Variants in IL1RAPL1 observed in about 807,000 individuals in gnomAD.
IL1RAPL1 encodes the protein interleukin 1 receptor accessory protein like 1.
IL1RAPL1 carries 3 observed loss-of-function variants against 48.4 expected under a neutral mutation model. That is an observed-to-expected ratio of 0.06 (90% confidence interval 0.03 to 0.16). The LOEUF (loss-of-function observed/expected upper bound fraction) is 0.16, where lower values mean the gene tolerates loss of function less well. IL1RAPL1 is among the 10% of genes least tolerant of loss of function. The pLI, the probability that IL1RAPL1 is intolerant of heterozygous loss-of-function variation, is 1.00. For synonymous variants in IL1RAPL1, 185 were observed against 187.7 expected (o/e 0.99, Z 0.12); for missense variants, 349 against 530.6 (o/e 0.66, Z 3.36).
chrX:29,663,591 A>G (rs1925911168), intron 5 of IL1RAPL1, among the ~76,000 whole-genome samples: 1 of 112,154 alleles, frequency 8.9e-6, no homozygotes. Context: ...ACTAAATGCT[A>G]TGTTTTGTTT....
At chrX:29,592,023 A>C (rs989570088) in intron 5 of IL1RAPL1, among the ~76,000 whole-genome samples, 1 of 111,629 alleles carries the variant, frequency 9.0e-6, no homozygotes, top group African/African-American at 3.3e-5. Flanking sequence ...GAACGGGTGA[A>C]AACCTAAAAT....
chrX:28,994,796 A>C (rs1334828460), intron 2 of IL1RAPL1, among the ~76,000 whole-genome samples: 1 of 112,036 alleles, frequency 8.9e-6, no homozygotes, highest in Non-Finnish European at 1.9e-5. Context: ...TATTAAAAGA[A>C]TGAGGACTTA....
At chrX:29,494,826 A>G (rs1055609686) in intron 5 of IL1RAPL1, among the ~76,000 whole-genome samples, 1 of 112,108 alleles carries the variant, frequency 8.9e-6, no homozygotes, top group Non-Finnish European at 1.9e-5. Context: ...CTTCCATTTA[A>G]ATGCTTATTT....
chrX:28,856,205 T>A (rs1415640155), intron 2 of IL1RAPL1, among the ~76,000 whole-genome samples: 1 of 112,021 alleles, frequency 8.9e-6, no homozygotes, highest in East Asian at 2.8e-4. Context: ...AATGAACCTA[T>A]GTAGGCAAAT....
At chrX:28,971,908 G>GTGTA (rs1555948252) in intron 2 of IL1RAPL1, among the ~76,000 whole-genome samples, 4 of 108,463 alleles carry the variant, frequency 3.7e-5, no homozygotes, top group Non-Finnish European at 7.6e-5. Flanking sequence ...GTGTGTGTGT[G>GTGTA]TGTGTGTGTA....
intron 5 of IL1RAPL1, among the ~76,000 whole-genome samples, chrX:29,470,513 T>C (rs1287825047): frequency 2.7e-5 from 3 of 111,888 alleles, no homozygotes; most frequent in Non-Finnish European, 5.6e-5. Flanking sequence ...CCACTATCTC[T>C]CATACCCTTC....
At chrX:28,938,190 A>G (rs1462027800) in intron 2 of IL1RAPL1, among the ~76,000 whole-genome samples, 1 of 111,781 alleles carries the variant, frequency 8.9e-6, no homozygotes, top group East Asian at 2.8e-4. Flanking sequence ...ATGGAACCAA[A>G]AAAGAGTCCA....
At chrX:29,439,851 G>GTTTTTTTTTTTTTTTTTTTTT (rs760458968) in intron 5 of IL1RAPL1, among the ~76,000 whole-genome samples, 10 of 59,855 alleles carry the variant, frequency 1.7e-4, no homozygotes, top group Middle Eastern at 0.014. Context: ...TGTTTGTTTG[G>GTTTTTTTTTTTTTTTTTTTTT]TTTTTTTTTT....
chrX:29,488,652 A>C (rs934159806), intron 5 of IL1RAPL1, among the ~76,000 whole-genome samples: 1 of 111,295 alleles, frequency 9.0e-6, no homozygotes, highest in Non-Finnish European at 1.9e-5. Flanking sequence ...TGCACATATA[A>C]CTATGAGAGG....
intron 3 of IL1RAPL1, among the ~76,000 whole-genome samples, chrX:29,288,928 T>G (rs1297114211): frequency 2.7e-5 from 3 of 112,624 alleles, no homozygotes; most frequent in Non-Finnish European, 5.6e-5. Context: ...TTGAACGTTT[T>G]TTCATATGTT....
At chrX:29,479,047 CTCTG>C (rs1935008177) in intron 5 of IL1RAPL1, among the ~76,000 whole-genome samples, 1 of 105,525 alleles carries the variant, frequency 9.5e-6, no homozygotes, top group African/African-American at 3.5e-5. Flanking sequence ...TTTTCTTTTT[CTCTG>C]TCTCTCACTA....
intron 1 of IL1RAPL1, among the ~76,000 whole-genome samples, chrX:28,788,278 T>C (rs1936493827): frequency 9.1e-6 from 1 of 109,294 alleles, no homozygotes; most frequent in Non-Finnish European, 1.9e-5. Flanking sequence ...ACTTTGTGAA[T>C]TATACCTCAA....
chrX:29,849,722 A>G (rs188590675), intron 6 of IL1RAPL1, among the ~76,000 whole-genome samples: 1 of 111,942 alleles, frequency 8.9e-6, no homozygotes, highest in East Asian at 2.8e-4. Flanking sequence ...AGATGGAGGA[A>G]CTTGAGGCTT....
intron 2 of IL1RAPL1, among the ~76,000 whole-genome samples, chrX:29,076,448 T>C (rs1240943982): frequency 2.7e-5 from 3 of 111,850 alleles, no homozygotes; most frequent in Non-Finnish European, 5.6e-5. Flanking sequence ...TGGGGTGCAT[T>C]GTACTGTATT....
In IL1RAPL1 at chrX:29,826,330, A is replaced by G. The variant is rs897506587; in HGVS notation, c.779-91134A>G. 4.5e-5 allele frequency among the ~76,000 whole-genome samples: 5 copies of G among 111,894 alleles called. 1 individual carries two copies. On this transcript the variant is annotated intron_variant, in intron 6 of 10. Transcript: ENST00000378993. ...CCATCAGCTGCTGGACATAACCCCA[A>G]GAATTTCTAATTCAGTGGTTTTGGG...
intron 2 of IL1RAPL1, among the ~76,000 whole-genome samples, chrX:29,034,130 C>T (rs999072377): frequency 8.9e-6 from 1 of 112,011 alleles, no homozygotes; most frequent in Non-Finnish European, 1.9e-5. Context: ...CACTTCAGAA[C>T]TTAGTCCATT....
At chrX:29,602,135 C>T (rs1923741859) in intron 5 of IL1RAPL1, among the ~76,000 whole-genome samples, 1 of 109,818 alleles carries the variant, frequency 9.1e-6, no homozygotes, top group African/African-American at 3.4e-5. Context: ...AGGCATGCAC[C>T]ACCACACCCT....
chrX:29,139,496 T>C (rs1283346096), intron 2 of IL1RAPL1, among the ~76,000 whole-genome samples: 2 of 111,752 alleles, frequency 1.8e-5, no homozygotes, highest in Admixed American at 1.9e-4. Context: ...ATTTGTATAT[T>C]CTTAGCCTTA....
chrX:29,181,407 C>A (rs1160973933), intron 2 of IL1RAPL1, among the ~76,000 whole-genome samples: 2 of 111,753 alleles, frequency 1.8e-5, no homozygotes, highest in African/African-American at 6.5e-5. Flanking sequence ...GCATCTAAAC[C>A]TATAATTTTT....
Sources: gnomAD v4.1 joint callset for allele counts (sites outside exome capture counted in the v4.1 genomes callset) on GRCh38, gnomAD v4.1.1 for gene constraint, MANE v1.5 for transcripts, NCBI Gene and HGNC (gene_info 2026-07-23, HGNC 2026-07-21) for gene names.